ABR: variants seen among roughly 807,000 people sequenced by gnomAD.
ABR encodes active breakpoint cluster region-related protein.
ABR carries 35 observed loss-of-function variants against 107.2 expected under a neutral mutation model. The ratio of observed to expected loss-of-function variants is 0.33; its 90% CI spans 0.25 to 0.43. The LOEUF (loss-of-function observed/expected upper bound fraction) is 0.43, where lower values mean the gene tolerates loss of function less well. Ranked by LOEUF, ABR falls within the 20% of genes least tolerant of loss-of-function variation. The pLI, the probability that ABR is intolerant of heterozygous loss-of-function variation, is 1.00. For missense variants in ABR, 815 were observed against 1,115.2 expected, an observed-to-expected ratio of 0.73 and a Z score of 3.83; for synonymous variants, 498 against 462.0, an observed-to-expected ratio of 1.08 and a Z score of -1.00.
At chr17:1,124,673 G>C (rs58359802) in intron 2 of ABR, among the ~76,000 whole-genome samples, 55,347 of 152,184 alleles carry the variant, frequency 0.36, 10,396 homozygotes, top group South Asian at 0.44. Flanking sequence ...AACAAGGAGA[G>C]GTGGATGCCA....
upstream of ABR, chr17:1,187,437 C>G (rs1314026572): frequency 6.6e-6 from 1 of 152,320 alleles, no homozygotes; most frequent in Admixed American, 6.5e-5. Context: ...CCGCAAGTGC[C>G]TGGACAAAAA....
intron 1 of ABR, among the ~76,000 whole-genome samples, chr17:1,144,035 T>C (rs1226267603): frequency 1.3e-5 from 2 of 152,132 alleles, no homozygotes; most frequent in Non-Finnish European, 2.9e-5. Flanking sequence ...CTTCTGAGTC[T>C]CATCCAAGGC....
intron 16 of ABR, among the ~76,000 whole-genome samples, chr17:1,028,153 T>G (rs373633855): frequency 2.0e-5 from 3 of 152,016 alleles, no homozygotes; most frequent in Non-Finnish European, 4.4e-5. Context: ...TGCAGTGGCA[T>G]GATCTCGGCT....
chr17:1,030,047 A>G (rs1447474509), intron 16 of ABR, among the ~76,000 whole-genome samples: 2 of 152,170 alleles, frequency 1.3e-5, no homozygotes, highest in Non-Finnish European at 2.9e-5. Context: ...ACTGACGCCA[A>G]CTGCTCAGCA....
At chr17:1,100,614 C>T (rs1218288238) in intron 3 of ABR, 23 bp downstream of exon 3, 10 of 1,611,232 alleles carry the variant, frequency 6.2e-6, no homozygotes, top group South Asian at 1.1e-5. Flanking sequence ...ACCGGAAGGC[C>T]CCAGAGCAGG....
intron 16 of ABR, among the ~76,000 whole-genome samples, chr17:1,032,161 G>A (rs1280759360): frequency 6.6e-6 from 1 of 152,014 alleles, no homozygotes; most frequent in Non-Finnish European, 1.5e-5. Flanking sequence ...CAAGCGGAGG[G>A]GCCGGGGGCC....
chr17:1,095,194 C>T (rs759796424), intron 3 of ABR, among the ~76,000 whole-genome samples: 3 of 152,160 alleles, frequency 2.0e-5, no homozygotes, highest in Non-Finnish European at 4.4e-5. Flanking sequence ...TCAGAAGCCG[C>T]GACGCGCTCA....
chr17:1,032,075 T>TA (rs1419937521), intron 16 of ABR, among the ~76,000 whole-genome samples: 1 of 151,528 alleles, frequency 6.6e-6, no homozygotes, highest in Admixed American at 6.6e-5. Context: ...TCCCTCGCAA[T>TA]AAAGTTTACA....
rs1199111032 is a variant in ABR, at chr17:1,027,464, G to T, written c.1792-14300C>A. The stretch of plus-strand genomic sequence containing the variant: ...CTTCATCAGATTCTCAGAGTCCAGG[G>T]TTCCCGCTCTGCGGACTCAAGCAAG... On this transcript the variant is annotated intron_variant, in intron 16 of 22. Coordinates refer to ENST00000302538, the MANE Select transcript of ABR (RefSeq NM_021962.5). This position sits in a 1 kb window ranked among gnomAD's most constrained non-coding sequence, Gnocchi z 4.7. Among the ~76,000 whole-genome samples the T allele has an allele frequency of 6.6e-6, 1 of 152,202 alleles. No individual in the cohort carries two copies. The highest frequency in any genetic ancestry group is 2.4e-5 in the African/African-American group (1 of 41,458).
At chr17:1,034,913 A>G (rs1272243827) in intron 16 of ABR, among the ~76,000 whole-genome samples, 1 of 152,048 alleles carries the variant, frequency 6.6e-6, no homozygotes, top group Non-Finnish European at 1.5e-5. Flanking sequence ...CCCGGCACTC[A>G]TCTGTCTTAG....
intron 5 of ABR, among the ~76,000 whole-genome samples, chr17:1,079,967 G>A (rs2036097615): frequency 2.6e-5 from 4 of 152,134 alleles, no homozygotes; most frequent in Middle Eastern, 6.8e-3. Context: ...TCCCAGAGAT[G>A]AGAGAGGCTG....
At chr17:1,089,850 C>G (rs994773858) in intron 4 of ABR, among the ~76,000 whole-genome samples, 16 of 152,206 alleles carry the variant, frequency 1.1e-4, no homozygotes, top group Non-Finnish European at 2.2e-4. Flanking sequence ...ATCCCAGCTA[C>G]TCGGGATGCT....
At chr17:1,026,194 C>G (rs1053936205) in intron 16 of ABR, among the ~76,000 whole-genome samples, 5 of 152,214 alleles carry the variant, frequency 3.3e-5, no homozygotes, top group Admixed American at 2.6e-4. Flanking sequence ...ACCAGAGAGG[C>G]AAAGGGATGT....
chr17:1,182,051 T>G (rs886653399), upstream of ABR: 1 of 152,148 alleles, frequency 6.6e-6, no homozygotes, highest in African/African-American at 2.4e-5. Context: ...ATAGTTTGCT[T>G]TTTTCTGTCT....
upstream of ABR, among the ~76,000 whole-genome samples, chr17:1,189,460 C>T (rs534386521): frequency 7.2e-5 from 11 of 151,896 alleles, no homozygotes; most frequent in South Asian, 4.2e-4. Context: ...GTGATTCTCC[C>T]GCCTCAGTCT....
chr17:1,142,782 G>A (rs1453923289), intron 1 of ABR, among the ~76,000 whole-genome samples: 1 of 152,132 alleles, frequency 6.6e-6, no homozygotes, highest in African/African-American at 2.4e-5. Flanking sequence ...CAGACAGGCA[G>A]GGGTGGGTGG....
In ABR at chr17:1,100,621, C is replaced by T. The variant is rs529244340; in HGVS notation, c.345+16G>A. ...GCGGGGGGACCGGAAGGCCCCAGAG[C>T]AGGGACTGTACTCACCAGCAACAGG... On this transcript the variant is annotated intron_variant, in intron 3 of 22. Transcript: ENST00000302538. 5.6e-6 allele frequency: 9 copies of T among 1,612,818 alleles called. No homozygotes were observed. In the East Asian group the frequency reaches 1.8e-4, roughly 32 times the overall value.
At chr17:1,171,658 A>G (rs530682101) in intron 1 of ABR, among the ~76,000 whole-genome samples, 6 of 152,342 alleles carry the variant, frequency 3.9e-5, no homozygotes, top group Admixed American at 3.3e-4. Flanking sequence ...GAGGCCAGGC[A>G]CGGTGGCTCA....
chr17:1,053,480 C>A (rs1025593438), intron 14 of ABR, among the ~76,000 whole-genome samples: 2 of 151,918 alleles, frequency 1.3e-5, no homozygotes, highest in Non-Finnish European at 2.9e-5. Context: ...GGAGTCAGAC[C>A]ATCTGGGTCC....
Sources: allele counts gnomAD v4.1 joint callset (sites outside exome capture counted in the v4.1 genomes callset), GRCh38; gene constraint gnomAD v4.1.1; non-coding constraint Gnocchi (gnomAD v3.1); transcripts MANE v1.5; gene names NCBI Gene and HGNC (gene_info 2026-07-23, HGNC 2026-07-21).